Variants in FIBCD1 observed in about 807,000 individuals in gnomAD.
FIBCD1 encodes fibrinogen C domain-containing protein 1.
In FIBCD1, 47 loss-of-function variants were observed where a neutral mutation model predicts 45.1. That is an observed-to-expected ratio of 1.04 (90% CI 0.82 to 1.33). The LOEUF is 1.33. Ranked by LOEUF, FIBCD1 falls within the 40% of genes most tolerant of loss-of-function variation. The probability of loss-of-function intolerance (pLI) is 0.00; values close to 1 mark genes in which losing one functional copy is unlikely to be tolerated. For synonymous variants in FIBCD1, 313 were observed against 308.1 expected, an observed-to-expected ratio of 1.02 and a Z score of -0.17; for missense variants, 653 against 682.2, an observed-to-expected ratio of 0.96 and a Z score of 0.48.
chr9:130,934,962 T>A (rs979926840), intron 1 of FIBCD1, among the ~76,000 whole-genome samples: 1 of 152,128 alleles, frequency 6.6e-6, no homozygotes, highest in African/African-American at 2.4e-5. Flanking sequence ...GAGGCATGGA[T>A]CTTCCAGAAC....
intron 4 of FIBCD1, among the ~76,000 whole-genome samples, chr9:130,917,072 TG>T (rs1287133919): frequency 1.3e-5 from 2 of 152,146 alleles, no homozygotes; most frequent in Non-Finnish European, 2.9e-5. Context: ...CACTCCAGCC[TG>T]GGCAACAGAG....
intron 5 of FIBCD1, among the ~76,000 whole-genome samples, chr9:130,906,923 G>GGAGT (rs1831939085): frequency 6.6e-6 from 1 of 152,188 alleles, no homozygotes; most frequent in Non-Finnish European, 1.5e-5. Flanking sequence ...CCCCGGGGAA[G>GGAGT]GAGTGCCTAT....
chr9:130,906,481 G>A (rs1239768965), intron 5 of FIBCD1, among the ~76,000 whole-genome samples: 1 of 152,190 alleles, frequency 6.6e-6, no homozygotes, highest in Non-Finnish European at 1.5e-5. Flanking sequence ...CCAGGGACCA[G>A]GAGCAGCTAC....
In FIBCD1 at chr9:130,924,289, G is replaced by C. The variant is rs201250176; in HGVS notation, c.660C>G (p.Ala220=). 6.2e-7 allele frequency: 1 copy of C among 1,603,586 alleles called. No homozygotes were observed. The highest frequency in any genetic ancestry group is 1.3e-5 in the African/African-American group (1 of 74,830). Residue 220 remains alanine (A), a synonymous_variant, in exon 3 of 7, where the codon GCC becomes GCG. Coordinates refer to ENST00000372338, the MANE Select transcript of FIBCD1 (RefSeq NM_032843.5). ...DRGLGRPRNK[A]DLQRAPARGT... The stretch of plus-strand genomic sequence containing the variant: ...CCCGGGCAGGCGCTCTCTGAAGGTC[G>C]GCCTTGTTGCGGGGCCGGCCCAGCC...
chr9:130,905,378 C>T lies in FIBCD1; in HGVS notation c.982G>A (p.Ala328Thr), dbSNP rs1400624741. Residue 328 changes from alanine to threonine, a missense_variant, in exon 6 of 7, where the codon GCC becomes ACC. By Grantham distance (58) the Ala-to-Thr change is moderately conservative. Coordinates refer to ENST00000372338, the MANE Select transcript of FIBCD1 (RefSeq NM_032843.5). ...KRIHALTTQA[A>T]YELHVDLEDF... Reference sequence around the variant, plus strand: ...TCCAGGTCCACGTGCAGCTCGTAGGCAGCCTGTGTGGTCAGGGCGTGGATC... The same window carrying T: ...TCCAGGTCCACGTGCAGCTCGTAGGTAGCCTGTGTGGTCAGGGCGTGGATC... The T allele has an allele frequency of 6.2e-7, 1 of 1,613,818 alleles. No individual in the cohort carries two copies. Among genetic ancestry groups the T allele is most frequent in the Non-Finnish European group, 8.5e-7 (1 of 1,179,940 alleles).
At chr9:130,904,429 G>T in intron 6 of FIBCD1, 106 bp from the exon 7 acceptor site, 2 of 1,451,946 alleles carry the variant, frequency 1.4e-6, no homozygotes, top group Non-Finnish European at 1.8e-6. Flanking sequence ...CTGGACGTGA[G>T]TGCATACACG....
intron 2 of FIBCD1, 57 bp from the exon 3 acceptor site, chr9:130,924,453 C>G: frequency 5.3e-6 from 8 of 1,502,776 alleles, no homozygotes; most frequent in Non-Finnish European, 7.2e-6. Context: ...GGTGGGGTGG[C>G]GCACATAGCA....
intron 4 of FIBCD1, among the ~76,000 whole-genome samples, chr9:130,913,084 T>G (rs1390424980): frequency 6.6e-6 from 1 of 152,086 alleles, no homozygotes; most frequent in Admixed American, 6.5e-5. Flanking sequence ...TGTTGTTCAT[T>G]TTAATAACAT....
chr9:130,935,129 T>G lies in FIBCD1; in HGVS notation c.72+3407A>C, dbSNP rs549926233. 6.6e-5 allele frequency among the ~76,000 whole-genome samples: 10 copies of G among 152,280 alleles called. No homozygotes were observed. The East Asian group carries it at 7.7e-4, about 12-fold the overall frequency. On this transcript the variant is annotated intron_variant, in intron 1 of 6. Coordinates refer to ENST00000372338, the MANE Select transcript of FIBCD1 (RefSeq NM_032843.5). ...GAGTAAATTTAATGCAGCAGGGATTTAGGTTAGACATCAGGAAGAACTTCC... is the reference window on the plus strand; with the variant it reads ...GAGTAAATTTAATGCAGCAGGGATTGAGGTTAGACATCAGGAAGAACTTCC...
In FIBCD1 at chr9:130,923,878, A is replaced by G. The variant is rs751204366; in HGVS notation, c.715T>C (p.Ser239Pro). 3 of 1,612,188 alleles carry G rather than the reference A, an allele frequency of 1.9e-6. No individual in the cohort carries two copies. The highest frequency in any genetic ancestry group is 2.2e-5 in the East Asian group (1 of 44,860). ...ACGTCCAGACAGTCTCGGGGCCGGG[A>G]GCCTGAGGGAGGCAAGGCTGTCAGG... ...GTRPRGCATG[S>P]RPRDCLDVLL... Residue 239 changes from serine to proline, a missense_variant and splice_region_variant, in exon 4 of 7, where the codon TCC (serine) becomes CCC (proline). Transcript: ENST00000372338.
chr9:130,909,519 C>G (rs867788685), intron 5 of FIBCD1, among the ~76,000 whole-genome samples: 4 of 152,116 alleles, frequency 2.6e-5, no homozygotes, highest in Admixed American at 2.0e-4. Flanking sequence ...TTGTAATATT[C>G]TGAATATACT....
rs1175187141 is a variant in FIBCD1 at position 130,933,734 on chromosome 9, G to T, written c.73-3688C>A. 78 of 141,504 alleles carry T rather than the reference G, an allele frequency of 5.5e-4. No individual in the cohort carries two copies. In the East Asian group the frequency reaches 5.6e-3, roughly 10 times the overall value. 8.8% of individuals were successfully genotyped at this position (141,504 alleles called of 1,614,324 possible). On this transcript the variant is annotated intron_variant, in intron 1 of 6. Transcript: ENST00000372338. ...GGGGAAGCGGCGGGCGGGTGGGGGG[G>T]GGGCGGCTCAGGAGGAAGGGATTTG...
chr9:130,907,224 C>T (rs984950033), intron 5 of FIBCD1, among the ~76,000 whole-genome samples: 6 of 131,200 alleles, frequency 4.6e-5, no homozygotes, highest in African/African-American at 8.4e-5. Flanking sequence ...AATTCATGAG[C>T]GGTGTCCCGG....
chr9:130,910,083 C>A (rs545546123), intron 5 of FIBCD1, among the ~76,000 whole-genome samples: 1 of 152,240 alleles, frequency 6.6e-6, no homozygotes, highest in Admixed American at 6.5e-5. Context: ...CTGGCCAAGG[C>A]CGGAGCCCAC....
intron 5 of FIBCD1, among the ~76,000 whole-genome samples, chr9:130,910,168 A>C (rs1039676842): frequency 1.3e-5 from 2 of 152,218 alleles, no homozygotes; most frequent in African/African-American, 2.4e-5. Context: ...CTTGCGGGCC[A>C]GCTGGAGTTC....
rs772792623 is a variant in FIBCD1, at chr9:130,924,251, C to G, written c.698G>C (p.Arg233Pro). The G allele has an allele frequency of 6.3e-7, 1 of 1,596,246 alleles. No homozygotes were observed. Among genetic ancestry groups the G allele is most frequent in the Non-Finnish European group, 8.5e-7 (1 of 1,173,056 alleles). Residue 233 changes from arginine to proline, a missense_variant, in exon 3 of 7, where the codon CGG becomes CCG. Transcript: ENST00000372338. The stretch of plus-strand genomic sequence containing the variant: ...GCCCCACTCACCAGTGGCACAGCCC[C>G]GGGGCCGGGTTCCCCGGGCAGGCGC... ...QRAPARGTRP[R>P]GCATGSRPRD...
intron 1 of FIBCD1, 83 bp downstream of exon 1, chr9:130,938,453 C>T (rs1433860377): frequency 2.4e-6 from 3 of 1,236,340 alleles, no homozygotes; most frequent in Non-Finnish European, 2.1e-6. Context: ...CTCCAGCCCC[C>T]GCAATGGGTG....
chr9:130,911,694 C>G, intron 5 of FIBCD1, 98 bp downstream of exon 5: 1 of 1,137,638 alleles, frequency 8.8e-7, no homozygotes, highest in South Asian at 1.4e-5. Flanking sequence ...CCAGGGAAAC[C>G]CAGCCCAAAC....
chr9:130,905,511 G>A (rs1162919495), intron 5 of FIBCD1, 98 bp from the exon 6 acceptor site: 1 of 1,238,324 alleles, frequency 8.1e-7, no homozygotes, highest in Non-Finnish European at 1.1e-6. Flanking sequence ...TGCAGTTGGG[G>A]ACAGAAAGGG....
Sources: allele counts gnomAD v4.1 joint callset (sites outside exome capture counted in the v4.1 genomes callset), GRCh38; gene constraint gnomAD v4.1.1; transcripts MANE v1.5; gene names NCBI Gene and HGNC (gene_info 2026-07-23, HGNC 2026-07-21).